The following VPS13B variants were observed in gnomAD, a reference collection of about 807,000 sequenced individuals.
The protein encoded by VPS13B is intermembrane lipid transfer protein VPS13B.
A neutral mutation model predicts 426.4 loss-of-function variants in VPS13B; 285 were observed. That is an observed-to-expected ratio of 0.67 (90% CI 0.61 to 0.74). VPS13B has a LOEUF of 0.74. Among genes scored for constraint, VPS13B ranks in the 30% least tolerant of loss-of-function variants. VPS13B has a pLI of 0.00. For synonymous variants in VPS13B, 1,676 were observed against 1,676.4 expected (o/e 1.00, Z 0.01); for missense variants, 4,537 against 4,782.6 (o/e 0.95, Z 1.51).
At chr8:99,448,504 C>T (rs569537430) in intron 23 of VPS13B, among the ~76,000 whole-genome samples, 1 of 152,020 alleles carries the variant, frequency 6.6e-6, no homozygotes, top group African/African-American at 2.4e-5. Flanking sequence ...ATATTATAAG[C>T]CTTTGATGCA....
chr8:99,750,218 A>G (rs1436438691), intron 39 of VPS13B, among the ~76,000 whole-genome samples: 1 of 152,124 alleles, frequency 6.6e-6, no homozygotes, highest in Non-Finnish European at 1.5e-5. Context: ...TGAACTCTGA[A>G]ATAGCAAACA....
At chr8:99,862,416 A>G (rs781553366) in intron 58 of VPS13B, among the ~76,000 whole-genome samples, 3 of 152,188 alleles carry the variant, frequency 2.0e-5, no homozygotes, top group African/African-American at 4.8e-5. Flanking sequence ...TACTTTTTTG[A>G]GATCAGCCTG....
chr8:99,156,007 G>A (rs1007480330), intron 14 of VPS13B, among the ~76,000 whole-genome samples: 6 of 152,096 alleles, frequency 3.9e-5, no homozygotes, highest in South Asian at 4.1e-4. Context: ...ATACTGTGCC[G>A]TCCTCAAGAT....
chr8:99,728,548 A>G (rs1372313511), intron 39 of VPS13B, among the ~76,000 whole-genome samples: 1 of 152,216 alleles, frequency 6.6e-6, no homozygotes, highest in African/African-American at 2.4e-5. Context: ...AGACCACATT[A>G]GACAGACAAA....
intron 19 of VPS13B, among the ~76,000 whole-genome samples, chr8:99,277,276 T>C (rs1412786641): frequency 6.6e-6 from 1 of 152,110 alleles, no homozygotes; most frequent in Non-Finnish European, 1.5e-5. Flanking sequence ...GAACCTAAAA[T>C]GTAATATATT....
At position 99,481,743 on chromosome 8, in the gene VPS13B, A is replaced by G. The variant is rs142674934; in HGVS notation, c.3811A>G (p.Thr1271Ala). 6.2e-7 allele frequency: 1 copy of G among 1,613,984 alleles called. No homozygotes were observed. Among genetic ancestry groups the G allele is most frequent in the East Asian group, 2.2e-5 (1 of 44,868 alleles). Residue 1271 changes from threonine to alanine, a missense_variant, in exon 25 of 62, where the codon ACA becomes GCA. Coordinates refer to ENST00000357162, the MANE Select transcript of VPS13B (RefSeq NM_152564.5). ...PTSPVRSSIG[T>A]APPDTSTCSP... is the part of the protein sequence containing the mutation. ...TTCTCCAGTTAGAAGCAGTATAGGC[A>G]CAGCTCCTCCAGATACCAGCACATG... is the stretch of plus-strand genomic sequence containing the variant.
chr8:99,056,593 T>A (rs1199145494), intron 3 of VPS13B, among the ~76,000 whole-genome samples: 2 of 152,224 alleles, frequency 1.3e-5, no homozygotes, highest in African/African-American at 4.8e-5. Context: ...CATCCTTGTC[T>A]TGTTATTTAT....
chr8:99,510,468 G>T (rs1237688356), intron 28 of VPS13B, among the ~76,000 whole-genome samples: 3 of 152,056 alleles, frequency 2.0e-5, no homozygotes, highest in African/African-American at 7.2e-5. Flanking sequence ...AAATTATCAC[G>T]AAATGAAAAG....
intron 33 of VPS13B, among the ~76,000 whole-genome samples, chr8:99,605,414 A>T (rs1443905505): frequency 2.0e-5 from 3 of 152,238 alleles, no homozygotes; most frequent in African/African-American, 7.2e-5. Flanking sequence ...TTGGTAAAAA[A>T]AAATGAGTCT....
chr8:99,469,040 G>C (rs954791135), intron 24 of VPS13B, among the ~76,000 whole-genome samples: 2 of 151,958 alleles, frequency 1.3e-5, no homozygotes, highest in African/African-American at 4.8e-5. Context: ...ATATTGGTAA[G>C]AGTCTTATTA....
rs902783600 is a variant in VPS13B at position 99,875,578 on chromosome 8, A to C, written c.11906A>C (p.His3969Pro). The part of the protein sequence containing the change: ...EPPPSTVKTY[H>P]YLVDPHFAQV... Reference sequence around the variant, plus strand: ...CCCCCCTCCACTGTTAAAACATACCATTACCTGGTTGATCCACATTTTGCT... The same window carrying C: ...CCCCCCTCCACTGTTAAAACATACCCTTACCTGGTTGATCCACATTTTGCT... The change falls in exon 62 of 62, where the codon CAT (histidine) becomes CCT (proline). Residue 3969 changes from histidine to proline, a missense_variant. By Grantham distance (77) the His-to-Pro change is moderately conservative (BLOSUM62 -2). Around this residue, in one of 2 missense-constraint regions of VPS13B, gnomAD observed 4,311 missense variants for 4,474.3 expected, o/e 0.96. Transcript: ENST00000357162. 10 of 1,613,986 alleles carry C rather than the reference A, an allele frequency of 6.2e-6. No individual in the cohort carries two copies. Among genetic ancestry groups the C allele is most frequent in the Admixed American group, 3.3e-5 (2 of 60,000 alleles).
chr8:99,345,208 G>A (rs1288075715), intron 19 of VPS13B, among the ~76,000 whole-genome samples: 1 of 152,094 alleles, frequency 6.6e-6, no homozygotes, highest in East Asian at 1.9e-4. Context: ...CTGTTTCTGA[G>A]CTCTTTAGTC....
chr8:99,657,108 T>C (rs1830047155), intron 34 of VPS13B, among the ~76,000 whole-genome samples: 2 of 152,196 alleles, frequency 1.3e-5, no homozygotes, highest in South Asian at 4.1e-4. Context: ...CTTTCTACTA[T>C]GGCCAGTTGG....
chr8:99,391,085 T>C (rs1187515177), intron 20 of VPS13B, among the ~76,000 whole-genome samples: 1 of 152,212 alleles, frequency 6.6e-6, no homozygotes, highest in Non-Finnish European at 1.5e-5. Context: ...ATAATCAGTT[T>C]GTAAAAGTAT....
chr8:99,411,355 GTCT>G (rs1815653184), intron 21 of VPS13B, among the ~76,000 whole-genome samples: 1 of 152,186 alleles, frequency 6.6e-6, no homozygotes, highest in South Asian at 2.1e-4. Flanking sequence ...CCGCATAAAT[GTCT>G]TCTTTTGAGA....
intron 3 of VPS13B, among the ~76,000 whole-genome samples, chr8:99,072,167 A>T (rs4596618): frequency 2.6e-5 from 4 of 151,838 alleles, no homozygotes; most frequent in African/African-American, 7.3e-5. Flanking sequence ...TGGCCACCAC[A>T]GCTGGGAATA....
intron 33 of VPS13B, among the ~76,000 whole-genome samples, chr8:99,589,313 T>C (rs1826477201): frequency 6.6e-6 from 1 of 151,634 alleles, no homozygotes; most frequent in Admixed American, 6.6e-5. Context: ...CATTAACTCG[T>C]CATTTAGCAT....
At chr8:99,785,974 G>A (rs569381195) in intron 43 of VPS13B, among the ~76,000 whole-genome samples, 5 of 152,154 alleles carry the variant, frequency 3.3e-5, no homozygotes, top group South Asian at 2.1e-4. Flanking sequence ...GGCCTTAGCC[G>A]GTAGAAAGCA....
intron 19 of VPS13B, among the ~76,000 whole-genome samples, chr8:99,314,723 T>G (rs1821213615): frequency 6.6e-6 from 1 of 152,180 alleles, no homozygotes; most frequent in Admixed American, 6.6e-5. Context: ...AGTACTGGGA[T>G]TATGAGCGAG....
Sources: allele counts gnomAD v4.1 joint callset (sites outside exome capture counted in the v4.1 genomes callset), GRCh38; gene constraint gnomAD v4.1.1; regional missense constraint gnomAD v4.1.1; transcripts MANE v1.5; gene names NCBI Gene and HGNC (gene_info 2026-07-23, HGNC 2026-07-21).